HSP90B1: variants seen among roughly 807,000 people sequenced by gnomAD.
HSP90B1 encodes the protein heat shock protein 90 beta family member 1.
In HSP90B1, 27 loss-of-function variants were observed where a neutral mutation model predicts 100.4. The observed-to-expected ratio is 0.27, with a 90% confidence interval of 0.20 to 0.37. HSP90B1 has a LOEUF of 0.37. Ranked by LOEUF, HSP90B1 falls within the 10% of genes least tolerant of loss-of-function variation. HSP90B1 has a pLI of 1.00. For synonymous variants in HSP90B1, 304 were observed against 330.8 expected (o/e 0.92, Z 0.88); for missense variants, 678 against 960.5 (o/e 0.71, Z 3.89).
chr12:103,941,254 C>G (rs1165218057), intron 8 of HSP90B1, among the ~76,000 whole-genome samples, 156 bp from the exon 9 acceptor site: 2 of 152,114 alleles, frequency 1.3e-5, no homozygotes, highest in African/African-American at 2.4e-5. Context: ...CTCTTCCCCC[C>G]ACCCTTTTCT....
intron 16 of HSP90B1, 51 bp from the exon 17 acceptor site, chr12:103,947,260 A>T: frequency 6.5e-7 from 1 of 1,532,776 alleles, no homozygotes; most frequent in Non-Finnish European, 8.7e-7. Context: ...ATAAATGAGC[A>T]AAGTGGAAAT....
At chr12:103,932,758 G>A in intron 3 of HSP90B1, 68 bp from the exon 4 acceptor site, 1 of 844,186 alleles carries the variant, frequency 1.2e-6, no homozygotes, top group East Asian at 2.4e-5. Context: ...AATGGGTTTG[G>A]CATAAAATCG....
At position 103,934,207 on chromosome 12, in the gene HSP90B1, C is replaced by A. The variant is rs777303569; in HGVS notation, c.663C>A (p.His221Gln). 1.9e-6 allele frequency: 3 copies of A among 1,614,180 alleles called. No homozygotes were observed. The Admixed American group carries it at 5.0e-5, about 27-fold the overall frequency. Residue 221 changes from histidine (H) to glutamine (Q), a missense_variant, in exon 5 of 18, where the codon CAC becomes CAA. Physicochemically the swap from His to Gln is conservative, Grantham distance 24. Coordinates refer to ENST00000299767, the MANE Select transcript of HSP90B1 (RefSeq NM_003299.3). ...CAAAACACAACAACGATACCCAGCA[C>A]ATCTGGGAGTCTGACTCCAATGAAT... ...VTSKHNNDTQ[H>Q]IWESDSNEFS...
chr12:103,939,461 C>A lies in HSP90B1; in HGVS notation c.976-48C>A, dbSNP rs375562702. 5.5e-5 allele frequency: 45 copies of A among 811,066 alleles called. 1 individual carries two copies. The highest frequency in any genetic ancestry group is 5.0e-4 in the Admixed American group (19 of 38,166). The allele number at this position is 811,066 out of a possible 1,614,324, so 50.2% of individuals were successfully genotyped here. The stretch of plus-strand genomic sequence containing the variant: ...GAAGCCATGGTTACTGCTAGGATAA[C>A]CTTGGTGAGTGCTGAGAGAGACTAA... On this transcript the variant is annotated intron_variant, in intron 7 of 17. Transcript: ENST00000299767.
chr12:103,935,030 A>G (rs1425764413), intron 5 of HSP90B1, among the ~76,000 whole-genome samples: 1 of 152,142 alleles, frequency 6.6e-6, no homozygotes, highest in Non-Finnish European at 1.5e-5. Flanking sequence ...AAGATTCTCA[A>G]GGTGGTGTGG....
Position 103,946,892 on chromosome 12 carries a change from G to A in HSP90B1, c.2213G>A (p.Arg738Lys). 1.9e-6 allele frequency: 3 copies of A among 1,614,088 alleles called. No homozygotes were observed. The highest frequency in any genetic ancestry group is 1.7e-5 in the Admixed American group (1 of 60,000). ...LLPDTKAYGD[R>K]IERMLRLSLN... ...CCAGACACTAAAGCATATGGAGATA[G>A]AATAGAAAGAATGCTTCGCCTCAGT... The change falls in exon 16 of 18, where the codon AGA (arginine) becomes AAA (lysine). Residue 738 changes from arginine to lysine, a missense_variant. Transcript: ENST00000299767.
intron 5 of HSP90B1, among the ~76,000 whole-genome samples, chr12:103,935,193 A>G (rs1869876991): frequency 1.3e-5 from 2 of 152,210 alleles, no homozygotes; most frequent in Admixed American, 1.3e-4. Flanking sequence ...TGTGGAATAA[A>G]ATACGTCATT....
intron 5 of HSP90B1, among the ~76,000 whole-genome samples, chr12:103,935,418 C>T (rs73177929): frequency 0.11 from 16,712 of 152,048 alleles, 991 homozygotes; most frequent in Middle Eastern, 0.21. Context: ...CCAACTCCTG[C>T]TAAGTGAGTA....
chr12:103,938,509 C>G (rs776541088), intron 7 of HSP90B1, 50 bp downstream of exon 7: 20 of 1,568,504 alleles, frequency 1.3e-5, no homozygotes, highest in Non-Finnish European at 1.6e-5. Flanking sequence ...CATGTATAGG[C>G]AAAACCAGGA....
At chr12:103,942,837 T>C (rs753378164) in intron 12 of HSP90B1, 41 bp downstream of exon 12, 15 of 1,604,036 alleles carry the variant, frequency 9.4e-6, no homozygotes, top group Non-Finnish European at 1.3e-5. Flanking sequence ...TTCTGGAAGG[T>C]AGCTAGGGAT....
chr12:103,947,790 A>G lies in HSP90B1; in HGVS notation c.*128A>G, dbSNP rs1190666814. 3.7e-6 allele frequency: 3 copies of G among 819,074 alleles called. No individual in the cohort carries two copies. The highest frequency in any genetic ancestry group is 2.2e-5 in the Admixed American group (1 of 46,194). The allele number at this position is 819,074 out of a possible 1,614,324, so 50.7% of individuals were successfully genotyped here. On this transcript the variant is annotated 3_prime_UTR_variant, in exon 18 of 18. Transcript: ENST00000299767. ...CCCCTGCACTGTAAAATGTGGGATT[A>G]TGGGTCACAGGAAAAAGTGGGTTTT...
intron 16 of HSP90B1, among the ~76,000 whole-genome samples, 155 bp downstream of exon 16, chr12:103,947,096 T>C (rs1037073100): frequency 1.3e-4 from 20 of 152,252 alleles, no homozygotes; most frequent in African/African-American, 4.8e-4. Flanking sequence ...ATCCCTGTAG[T>C]GTCAGGCACT....
chr12:103,935,416 T>C (rs1869884286), intron 5 of HSP90B1, among the ~76,000 whole-genome samples: 1 of 152,206 alleles, frequency 6.6e-6, no homozygotes, highest in Non-Finnish European at 1.5e-5. Flanking sequence ...TGCCAACTCC[T>C]GCTAAGTGAG....
intron 8 of HSP90B1, among the ~76,000 whole-genome samples, chr12:103,940,195 C>T (rs569311490): frequency 2.6e-5 from 4 of 152,206 alleles, no homozygotes; most frequent in East Asian, 1.9e-4. Context: ...GTGTGATTTC[C>T]ACCACAAAAC....
Position 103,939,727 on chromosome 12 carries a change from G to C in HSP90B1, c.1092+102G>C, listed in dbSNP as rs1870022802. ...GGTATGTGACCATGAATATGAGATG[G>C]TCCATTCCCATTTTTTCCCAGTGAG... On this transcript the variant is annotated intron_variant, in intron 8 of 17. Coordinates refer to ENST00000299767, the MANE Select transcript of HSP90B1 (RefSeq NM_003299.3). 1.3e-5 allele frequency: 7 copies of C among 552,396 alleles called. No homozygotes were observed. The South Asian group carries it at 2.3e-4, about 18-fold the overall frequency. 34.2% of individuals were successfully genotyped at this position (552,396 alleles called of 1,614,324 possible).
At chr12:103,936,622 CA>C (rs10611658) in intron 5 of HSP90B1, among the ~76,000 whole-genome samples, 7,758 of 116,546 alleles carry the variant, frequency 0.067, 215 homozygotes, top group Middle Eastern at 0.12. Flanking sequence ...GACAGAGGTC[CA>C]AAAAAAAAAA....
chr12:103,937,718 C>T lies in HSP90B1; in HGVS notation c.767C>T (p.Ser256Phe), dbSNP rs201596968. ...AGCCTTGTCTTAAAAGAAGAAGCAT[C>T]TGATTACCTTGAATTGGATACAATT... ...TITLVLKEEA[S>F]DYLELDTIKN... The change falls in exon 6 of 18, where the codon TCT becomes TTT. Residue 256 changes from serine to phenylalanine, a missense_variant. Around this residue, in one of 8 missense-constraint regions of HSP90B1, gnomAD observed 238 missense variants for 346.7 expected, o/e 0.69. Transcript: ENST00000299767. 50 of 1,590,714 alleles carry T rather than the reference C, an allele frequency of 3.1e-5. No homozygotes were observed.
intron 16 of HSP90B1, 132 bp from the exon 17 acceptor site, chr12:103,947,179 C>G (rs1870260336): frequency 7.8e-7 from 1 of 1,277,238 alleles, no homozygotes; most frequent in South Asian, 1.5e-5. Flanking sequence ...CTTGGCTGTT[C>G]ATTCTAGTTA....
chr12:103,945,369 T>C (rs1375380027), intron 14 of HSP90B1, among the ~76,000 whole-genome samples: 1 of 152,056 alleles, frequency 6.6e-6, no homozygotes, highest in Non-Finnish European at 1.5e-5. Flanking sequence ...AGATAATGGG[T>C]ACACCAGGAT....
Sources: gnomAD v4.1 joint callset for allele counts (sites outside exome capture counted in the v4.1 genomes callset) on GRCh38, gnomAD v4.1.1 for gene constraint, gnomAD v4.1.1 regional missense constraint, MANE v1.5 for transcripts, NCBI Gene and HGNC (gene_info 2026-07-23, HGNC 2026-07-21) for gene names.